Variants in FBH1 observed in about 807,000 individuals in gnomAD.
The protein encoded by FBH1 is F-box DNA helicase 1.
FBH1 carries 43 observed loss-of-function variants against 115.5 expected under a neutral mutation model. The observed-to-expected ratio is 0.37, with a 90% CI of 0.29 to 0.48. The LOEUF (loss-of-function observed/expected upper bound fraction) is 0.48, where lower values mean the gene tolerates loss of function less well. FBH1 is among the 20% of genes least tolerant of loss of function. The pLI is 0.99. For missense variants in FBH1, 1,001 were observed against 1,337.3 expected, an observed-to-expected ratio of 0.75 and a Z score of 3.92; for synonymous variants, 524 against 507.8, an observed-to-expected ratio of 1.03 and a Z score of -0.43.
rs1208844947 is a variant in FBH1, at chr10:5,906,398, C to G, written c.519C>G (p.Leu173=). ...AAGCAGAGGACAGTACGTCTCGGCT[C>G]TCTGCGGAGTCTGGTGAAACCGACC... is the stretch of plus-strand genomic sequence containing the variant. ...RQEAEDSTSR[L]SAESGETDQD... is the part of the protein sequence containing the mutation. The change falls in exon 3 of 21, where the codon CTC becomes CTG. Residue 173 remains leucine (L), a synonymous_variant. Coordinates refer to ENST00000362091, the MANE Select transcript of FBH1 (RefSeq NM_178150.3). This position sits in a 1 kb window ranked among gnomAD's most constrained non-coding sequence, Gnocchi z 7.3. 4.3e-6 allele frequency: 7 copies of G among 1,614,014 alleles called. No individual in the cohort carries two copies. Among genetic ancestry groups the G allele is most frequent in the African/African-American group, 2.7e-5 (2 of 74,958 alleles).
In FBH1 at chr10:5,895,333, C is replaced by T. The variant is rs993440765; in HGVS notation, c.1+4987C>T. On this transcript the variant is annotated intron_variant, in intron 1 of 20. Transcript: ENST00000362091. This position sits in a 1 kb window ranked among gnomAD's most constrained non-coding sequence, Gnocchi z 5.0. Reference sequence around the variant, plus strand: ...AGTCAGGTACCTTGTACTAGCGAGTCAACTTGATTTTTTTTTGAAAAAGCA... The same window carrying T: ...AGTCAGGTACCTTGTACTAGCGAGTTAACTTGATTTTTTTTTGAAAAAGCA... 4 of 698,878 alleles carry T rather than the reference C, an allele frequency of 5.7e-6. No individual in the cohort carries two copies. The highest frequency in any genetic ancestry group is 8.4e-6 in the Non-Finnish European group (4 of 478,812). 43.3% of individuals were successfully genotyped at this position (698,878 alleles called of 1,614,324 possible). A position where few individuals can be genotyped will look rare whatever the true frequency, so the allele number is the denominator to read the frequency against.
intron 1 of FBH1, among the ~76,000 whole-genome samples, chr10:5,891,562 C>T (rs1037425537): frequency 6.6e-6 from 1 of 152,268 alleles, no homozygotes; most frequent in Admixed American, 6.5e-5. Context: ...TCTCTAGTTT[C>T]CCTGTTTTTT....
Position 5,914,151 on chromosome 10 carries a change from C to A in FBH1, c.1305-27C>A. ...GGACTTTTCACGTCTTTCTGTTTTT[C>A]TTACTTCTCTTTTGTAATGATTATA... On this transcript the variant is annotated intron_variant, in intron 7 of 20. Coordinates refer to ENST00000362091, the MANE Select transcript of FBH1 (RefSeq NM_178150.3). The surrounding 1 kb of genome is among the most constrained non-coding windows in gnomAD (Gnocchi z 5.2). The A allele has an allele frequency of 6.2e-7, 1 of 1,602,058 alleles. No individual in the cohort carries two copies. Among genetic ancestry groups the A allele is most frequent in the Non-Finnish European group, 8.5e-7 (1 of 1,173,340 alleles).
Position 5,896,386 on chromosome 10 carries a change from G to C in FBH1, c.1+6040G>C, listed in dbSNP as rs1034607755. 1.3e-5 allele frequency among the ~76,000 whole-genome samples: 2 copies of C among 152,146 alleles called. 1 individual carries two copies. The highest frequency in any genetic ancestry group is 4.1e-4 in the South Asian group (2 of 4,820). On this transcript the variant is annotated intron_variant, in intron 1 of 20. Transcript: ENST00000362091. ...TTGCTGGGGTAGGGCTAAAAGCTGA[G>C]GGTTAGCAAAGAGAGGTGGGTCCTG...
chr10:5,895,358 A>C lies in FBH1; in HGVS notation c.1+5012A>C, dbSNP rs1442076035. ...CAACTTGATTTTTTTTTGAAAAAGC[A>C]ATTATTTAATAATAATATTTACTTC... On this transcript the variant is annotated intron_variant, in intron 1 of 20. Transcript: ENST00000362091. The surrounding 1 kb of genome is among the most constrained non-coding windows in gnomAD (Gnocchi z 5.0). 1.3e-5 allele frequency among the ~76,000 whole-genome samples: 2 copies of C among 152,218 alleles called. No homozygotes were observed. The highest frequency in any genetic ancestry group is 4.8e-5 in the African/African-American group (2 of 41,454).
Position 5,913,705 on chromosome 10 carries a change from C to G in FBH1, c.1212-42C>G, listed in dbSNP as rs773644041. On this transcript the variant is annotated intron_variant, in intron 6 of 20. Transcript: ENST00000362091. The surrounding 1 kb of genome is among the most constrained non-coding windows in gnomAD (Gnocchi z 4.4). ...AGGAAAAATAAGATGCAGATTGTGACTTGAATTTGAGACTTTCTAAATCTA... is the reference window on the plus strand; with the variant it reads ...AGGAAAAATAAGATGCAGATTGTGAGTTGAATTTGAGACTTTCTAAATCTA... 7.1e-7 allele frequency: 1 copy of G among 1,401,298 alleles called. No homozygotes were observed. The highest frequency in any genetic ancestry group is 2.6e-5 in the Admixed American group (1 of 39,020). 86.8% of individuals were successfully genotyped at this position (1,401,298 alleles called of 1,614,324 possible). A position where few individuals can be genotyped will look rare whatever the true frequency, so the allele number is the denominator to read the frequency against.
In FBH1 at chr10:5,914,844, T is replaced by TAAC. The variant is rs375881185; in HGVS notation, c.1397-545_1397-543dup. On this transcript the variant is annotated intron_variant, in intron 8 of 20. Coordinates refer to ENST00000362091, the MANE Select transcript of FBH1 (RefSeq NM_178150.3). The surrounding 1 kb of genome is among the most constrained non-coding windows in gnomAD (Gnocchi z 5.2). Reference sequence around the variant, plus strand: ...CTCCTTTTGTGGCTAAATACCCTGCTAACAACAACAACAACATTTTGAATG... The same window carrying TAAC: ...CTCCTTTTGTGGCTAAATACCCTGCTAACAACAACAACAACAACATTTTGAATG... Among the ~76,000 whole-genome samples the TAAC allele has an allele frequency of 1.3e-5, 2 of 152,194 alleles. No homozygotes were observed. The highest frequency in any genetic ancestry group is 2.9e-5 in the Non-Finnish European group (2 of 68,028).
intron 18 of FBH1, among the ~76,000 whole-genome samples, chr10:5,927,216 A>G (rs1832709052): frequency 2.0e-5 from 3 of 152,332 alleles, no homozygotes; most frequent in Admixed American, 6.5e-5. Context: ...ACGTAGCAGG[A>G]CTAAATAAAA....
Position 5,906,284 on chromosome 10 carries a change from C to T in FBH1, c.405C>T (p.Thr135=), listed in dbSNP as rs141566367. The stretch of plus-strand genomic sequence containing the variant: ...CTGAGGAAGAGAGTAACCAGGCTAC[C>T]GGGACCAGCCGGTGGGATGGAGTTT... ...WSSEEESNQA[T]GTSRWDGVSK... Residue 135 remains threonine (T), a synonymous_variant, in exon 3 of 21, where the codon ACC becomes ACT. Coordinates refer to ENST00000362091, the MANE Select transcript of FBH1 (RefSeq NM_178150.3). The surrounding 1 kb of genome is among the most constrained non-coding windows in gnomAD (Gnocchi z 7.3). 39 of 1,614,000 alleles carry T rather than the reference C, an allele frequency of 2.4e-5. No individual in the cohort carries two copies. Among genetic ancestry groups the T allele is most frequent in the East Asian group, 6.7e-5 (3 of 44,896 alleles).
chr10:5,894,529 C>T (rs1267903995), intron 1 of FBH1: 4 of 850,770 alleles, frequency 4.7e-6, no homozygotes, highest in Non-Finnish European at 6.2e-6. Flanking sequence ...CTCTCTGAGC[C>T]CCAGCTTAAT....
Position 5,925,570 on chromosome 10 carries a change from G to T in FBH1, c.2722+78G>T. ...TGGAATGCTTCCTTTGCACGGCCTT[G>T]TTGTTTGTTGGATGGTGTGGCCTCC... On this transcript the variant is annotated intron_variant, in intron 18 of 20. Coordinates refer to ENST00000362091, the MANE Select transcript of FBH1 (RefSeq NM_178150.3). The surrounding 1 kb of genome is among the most constrained non-coding windows in gnomAD (Gnocchi z 4.6). 1.3e-6 allele frequency: 2 copies of T among 1,580,764 alleles called. No individual in the cohort carries two copies. The highest frequency in any genetic ancestry group is 2.7e-5 in the African/African-American group (2 of 74,220).
upstream of FBH1, chr10:5,890,180 G>T (rs905157341): frequency 6.0e-6 from 2 of 332,802 alleles, no homozygotes; most frequent in Non-Finnish European, 1.1e-5. Flanking sequence ...GGCGGCGGGC[G>T]CTTCCCGGGG....
rs147044363 is a variant in FBH1, at chr10:5,909,472, A to T, written c.1020+178A>T. 1.7e-3 allele frequency: 1,174 copies of T among 686,940 alleles called. 6 individuals carry two copies. Among genetic ancestry groups the T allele is most frequent in the African/African-American group, 6.9e-3 (384 of 55,706 alleles). 42.6% of individuals were successfully genotyped at this position (686,940 alleles called of 1,614,324 possible). On this transcript the variant is annotated intron_variant, in intron 5 of 20. Coordinates refer to ENST00000362091, the MANE Select transcript of FBH1 (RefSeq NM_178150.3). The surrounding 1 kb of genome is among the most constrained non-coding windows in gnomAD (Gnocchi z 4.4). ...CCAGTGGAGAAATAAAAGGCCATAT[A>T]ATTGTAGAGTCTTAGATGTAGATGA...
In FBH1 at chr10:5,933,674, A is replaced by T. The variant is rs1186724052; in HGVS notation, c.2830-2782A>T. The stretch of plus-strand genomic sequence containing the variant: ...TTTTTTTTTTAAAAAACAGAGTCTC[A>T]CTCTGTCGCCCAGGCTGGAGGGCAG... On this transcript the variant is annotated intron_variant, in intron 19 of 20. Coordinates refer to ENST00000362091, the MANE Select transcript of FBH1 (RefSeq NM_178150.3). The surrounding 1 kb of genome is among the most constrained non-coding windows in gnomAD (Gnocchi z 4.9). Among the ~76,000 whole-genome samples the T allele has an allele frequency of 1.3e-5, 2 of 148,354 alleles. No homozygotes were observed. Among genetic ancestry groups the T allele is most frequent in the African/African-American group, 5.0e-5 (2 of 40,092 alleles).
chr10:5,901,909 A>G (rs148266618), intron 1 of FBH1, among the ~76,000 whole-genome samples: 110 of 152,280 alleles, frequency 7.2e-4, no homozygotes, highest in African/African-American at 2.5e-3. Context: ...TTAGTGTTTC[A>G]TGCCATAAGG....
upstream of FBH1, chr10:5,890,218 A>T: frequency 2.9e-6 from 1 of 348,190 alleles, no homozygotes; most frequent in Non-Finnish European, 5.4e-6. Flanking sequence ...TCGCGGAGGA[A>T]GTCGGCGGGC....
At position 5,921,937 on chromosome 10, in the gene FBH1, A is replaced by G. The variant is rs541774992; in HGVS notation, c.2322+368A>G. 6.6e-6 allele frequency among the ~76,000 whole-genome samples: 1 copy of G among 152,338 alleles called. No individual in the cohort carries two copies. The highest frequency in any genetic ancestry group is 1.9e-4 in the East Asian group (1 of 5,190). ...CACGCAGAGTACACACCTAGGCTCT[A>G]GTTCTGACTGGTCACTAACCGTGTG... On this transcript the variant is annotated intron_variant, in intron 15 of 20. Transcript: ENST00000362091. The surrounding 1 kb of genome is among the most constrained non-coding windows in gnomAD (Gnocchi z 6.4).
In FBH1 at chr10:5,911,559, A is replaced by G. The variant is rs1256710447; in HGVS notation, c.1211+431A>G. ...GCTATGGCGTGTCGGCTGCTGATTC[A>G]CAGGGGCCCCGATGGTTTCCTCAGC... is the stretch of plus-strand genomic sequence containing the variant. On this transcript the variant is annotated intron_variant, in intron 6 of 20. Coordinates refer to ENST00000362091, the MANE Select transcript of FBH1 (RefSeq NM_178150.3). The surrounding 1 kb of genome is among the most constrained non-coding windows in gnomAD (Gnocchi z 5.4). Among the ~76,000 whole-genome samples, 1 of 151,996 alleles carries G rather than the reference A, an allele frequency of 6.6e-6. No homozygotes were observed. Among genetic ancestry groups the G allele is most frequent in the Non-Finnish European group, 1.5e-5 (1 of 67,986 alleles).
In FBH1 at chr10:5,906,652, G is replaced by C. The variant is rs1365371121; in HGVS notation, c.753+20G>C. ...CCGCTGGTGAGTGAGTGCTGGAGTC[G>C]GGAGATGTTTCCTCTAAAAGCACGT... On this transcript the variant is annotated intron_variant, in intron 3 of 20. Transcript: ENST00000362091. The surrounding 1 kb of genome is among the most constrained non-coding windows in gnomAD (Gnocchi z 7.3). The C allele has an allele frequency of 1.3e-6, 2 of 1,567,294 alleles. No individual in the cohort carries two copies. The highest frequency in any genetic ancestry group is 3.5e-5 in the Admixed American group (2 of 57,652).
Sources: gnomAD v4.1 joint callset for allele counts (sites outside exome capture counted in the v4.1 genomes callset) on GRCh38, gnomAD v4.1.1 for gene constraint, Gnocchi (gnomAD v3.1) non-coding constraint, MANE v1.5 for transcripts, NCBI Gene and HGNC (gene_info 2026-07-23, HGNC 2026-07-21) for gene names.